The following ROBO1 variants were observed in gnomAD, a reference collection of about 807,000 sequenced individuals.
ROBO1 encodes the protein roundabout guidance receptor 1, also known as roundabout homolog 1.
Under a neutral mutation model 195.9 loss-of-function variants are expected in ROBO1, and 149 were observed. That is an observed-to-expected ratio of 0.76 (90% CI 0.67 to 0.87). ROBO1 has a LOEUF of 0.87. Among genes scored for constraint, ROBO1 ranks in the 40% least tolerant of loss-of-function variants. ROBO1 has a pLI of 0.00. For synonymous variants in ROBO1, 816 were observed against 733.2 expected (o/e 1.11, Z -1.82); for missense variants, 1,933 against 2,068.3 (o/e 0.93, Z 1.27).
At chr3:78,885,725 CAT>C (rs999158215) in intron 4 of ROBO1, among the ~76,000 whole-genome samples, 8 of 151,086 alleles carry the variant, frequency 5.3e-5, no homozygotes, top group African/African-American at 1.9e-4. Context: ...GGTTTACTCA[CAT>C]GTGTAATAGC....
chr3:78,688,797 C>A (rs77350918), intron 8 of ROBO1, 25 bp from the exon 9 acceptor site: 26,295 of 1,594,704 alleles, frequency 0.016, 239 homozygotes, highest in Middle Eastern at 0.028. Context: ...ACAAATTACA[C>A]CGAATTAAAA....
chr3:78,939,788 T>C (rs1390647735), intron 3 of ROBO1, among the ~76,000 whole-genome samples: 2 of 151,422 alleles, frequency 1.3e-5, no homozygotes, highest in Non-Finnish European at 2.9e-5. Context: ...TAATAATTTA[T>C]ATTTTAATAG....
chr3:79,088,611 C>T (rs887441481), intron 3 of ROBO1, among the ~76,000 whole-genome samples: 1 of 152,038 alleles, frequency 6.6e-6, no homozygotes, highest in African/African-American at 2.4e-5. Flanking sequence ...CTTTACTTAA[C>T]AACAAAAGGA....
In ROBO1 at chr3:78,892,569, T is replaced by C. The variant is rs371941306; in HGVS notation, c.499+46032A>G. Among the ~76,000 whole-genome samples, 6 of 152,276 alleles carry C rather than the reference T, an allele frequency of 3.9e-5. No individual in the cohort carries two copies. In the South Asian group the frequency reaches 8.3e-4, roughly 21 times the overall value. On this transcript the variant is annotated intron_variant, in intron 4 of 30. Coordinates refer to ENST00000464233, the MANE Select transcript of ROBO1 (RefSeq NM_002941.4). ...TTAGCACAGTGAGTGTTAAGAGTAATAATAGCTCAAGAAGTGTTTATCATC... is the reference window on the plus strand; with the variant it reads ...TTAGCACAGTGAGTGTTAAGAGTAACAATAGCTCAAGAAGTGTTTATCATC...
chr3:78,929,119 C>G (rs1383107951), intron 4 of ROBO1, among the ~76,000 whole-genome samples: 1 of 152,008 alleles, frequency 6.6e-6, no homozygotes, highest in Admixed American at 6.6e-5. Context: ...ACTTTTATTT[C>G]TCCTGACAAA....
At chr3:79,755,238 T>C (rs927781969) in intron 1 of ROBO1, among the ~76,000 whole-genome samples, 19 of 152,134 alleles carry the variant, frequency 1.2e-4, no homozygotes, top group African/African-American at 4.6e-4. Flanking sequence ...ATGCTTAGAA[T>C]GAAAATAATT....
intron 2 of ROBO1, among the ~76,000 whole-genome samples, chr3:79,543,224 A>G (rs1048856551): frequency 6.6e-6 from 1 of 152,088 alleles, no homozygotes; most frequent in Admixed American, 6.6e-5. Flanking sequence ...AGGGAAAAAT[A>G]GACAAATGTG....
intron 2 of ROBO1, among the ~76,000 whole-genome samples, chr3:79,392,764 A>G (rs2037000860): frequency 6.6e-6 from 1 of 152,210 alleles, no homozygotes; most frequent in Admixed American, 6.5e-5. Context: ...GTATATCATC[A>G]AATAAAACAA....
chr3:79,337,848 A>G (rs2034740133), intron 2 of ROBO1, among the ~76,000 whole-genome samples: 1 of 152,232 alleles, frequency 6.6e-6, no homozygotes, highest in Non-Finnish European at 1.5e-5. Flanking sequence ...AATACAGACT[A>G]TTATAATAAT....
At chr3:78,675,548 C>T (rs941245225) in intron 10 of ROBO1, among the ~76,000 whole-genome samples, 3 of 152,130 alleles carry the variant, frequency 2.0e-5, no homozygotes, top group Admixed American at 6.5e-5. Context: ...CCTACACCCA[C>T]GGAGTCTCGC....
intron 2 of ROBO1, among the ~76,000 whole-genome samples, chr3:79,322,485 A>G (rs1406913903): frequency 6.6e-6 from 1 of 152,206 alleles, no homozygotes; most frequent in Non-Finnish European, 1.5e-5. Context: ...AGAAGGAGGC[A>G]TCACATAGAC....
chr3:79,231,109 T>C (rs1286604822), intron 2 of ROBO1, among the ~76,000 whole-genome samples: 1 of 152,016 alleles, frequency 6.6e-6, no homozygotes, highest in Non-Finnish European at 1.5e-5. Flanking sequence ...CCTGGAAGTA[T>C]AACAACTCTG....
intron 4 of ROBO1, among the ~76,000 whole-genome samples, chr3:78,818,268 G>T (rs2108662013): frequency 6.6e-6 from 1 of 152,270 alleles, no homozygotes; most frequent in South Asian, 2.1e-4. Flanking sequence ...TGGCATTTAG[G>T]TTGCCGCTGG....
chr3:78,964,744 C>T (rs1560058086), intron 3 of ROBO1, among the ~76,000 whole-genome samples: 1 of 147,150 alleles, frequency 6.8e-6, no homozygotes, highest in Non-Finnish European at 1.5e-5. Flanking sequence ...AGAACTCATA[C>T]AACTTAGTCC....
intron 4 of ROBO1, among the ~76,000 whole-genome samples, chr3:78,777,347 T>C (rs1171020916): frequency 6.6e-6 from 1 of 152,194 alleles, no homozygotes. Context: ...AAGACGATTT[T>C]GAAACAAGAG....
At chr3:78,670,061 C>A in intron 11 of ROBO1, 35 bp downstream of exon 11, 1 of 1,527,414 alleles carries the variant, frequency 6.5e-7, no homozygotes, top group Non-Finnish European at 8.9e-7. Context: ...CAAAGTGAAA[C>A]AAAACAAGAA....
intron 2 of ROBO1, among the ~76,000 whole-genome samples, chr3:79,565,040 T>C (rs995420209): frequency 6.6e-6 from 1 of 152,136 alleles, no homozygotes; most frequent in Admixed American, 6.6e-5. Flanking sequence ...CATGTGAATA[T>C]GCACTTATTC....
intron 2 of ROBO1, among the ~76,000 whole-genome samples, chr3:79,184,062 A>G (rs930511988): frequency 1.4e-4 from 21 of 152,206 alleles, no homozygotes; most frequent in African/African-American, 5.1e-4. Flanking sequence ...TGTTTCCTCC[A>G]GAATTTGGCT....
chr3:79,460,478 A>C (rs1326364420), intron 2 of ROBO1, among the ~76,000 whole-genome samples: 2 of 152,228 alleles, frequency 1.3e-5, no homozygotes, highest in Admixed American at 1.3e-4. Context: ...CAAAGAAAAT[A>C]GCCACAGTGA....
Sources: allele counts gnomAD v4.1 joint callset (sites outside exome capture counted in the v4.1 genomes callset), GRCh38; gene constraint gnomAD v4.1.1; transcripts MANE v1.5; gene names NCBI Gene and HGNC (gene_info 2026-07-23, HGNC 2026-07-21).